VCAN: variants seen among roughly 807,000 people sequenced by gnomAD.
The protein encoded by VCAN is versican.
In VCAN, 44 loss-of-function variants were observed where a neutral mutation model predicts 245.5. The ratio of observed to expected loss-of-function variants is 0.18; its 90% CI spans 0.14 to 0.23. The LOEUF (loss-of-function observed/expected upper bound fraction) is 0.23. Among genes scored for constraint, VCAN ranks in the 10% least tolerant of loss-of-function variants. The probability of loss-of-function intolerance (pLI) is 1.00; values close to 1 mark genes in which losing one functional copy is unlikely to be tolerated. For synonymous variants in VCAN, 1,413 were observed against 1,437.0 expected (o/e 0.98, Z 0.38); for missense variants, 3,793 against 4,057.9 (o/e 0.93, Z 1.77).
intron 5 of VCAN, among the ~76,000 whole-genome samples, chr5:83,503,181 T>G (rs1745382018): frequency 6.6e-6 from 1 of 152,072 alleles, no homozygotes; most frequent in Non-Finnish European, 1.5e-5. Flanking sequence ...GCTTTGATCT[T>G]ATGTATATCC....
intron 7 of VCAN, chr5:83,535,544 T>C (rs1746671839): frequency 6.6e-6 from 1 of 152,150 alleles, no homozygotes; most frequent in Non-Finnish European, 1.5e-5. Context: ...ACTTCTATAT[T>C]TGTCTTGATT....
intron 7 of VCAN, among the ~76,000 whole-genome samples, chr5:83,526,028 C>T (rs991795313): frequency 3.3e-5 from 5 of 151,942 alleles, no homozygotes; most frequent in African/African-American, 1.2e-4. Flanking sequence ...CAATCTCTGC[C>T]TCCTGGGTTC....
In VCAN at chr5:83,531,071, A is replaced by C. The variant is rs1166316391; in HGVS notation, c.4004-5936A>C. Among the ~76,000 whole-genome samples, 5 of 152,256 alleles carry C rather than the reference A, an allele frequency of 3.3e-5. No individual in the cohort carries two copies. The South Asian group carries it at 8.3e-4, about 25-fold the overall frequency. ...ATAAATTCTGGTGGACCTTCTAAGT[A>C]ACTGCTAGAATGATTGGGTAATGTA... On this transcript the variant is annotated intron_variant, in intron 7 of 14. Coordinates refer to ENST00000265077, the MANE Select transcript of VCAN (RefSeq NM_004385.5).
chr5:83,567,556 T>C lies in VCAN; in HGVS notation c.9736-4860T>C, dbSNP rs1207557508. On this transcript the variant is annotated intron_variant, in intron 12 of 14. Transcript: ENST00000265077. ...ACCTCGTGATCCACCCGCCTCAGCC[T>C]CCCAAAGTGCTGGGATAACAGGCAT... Among the ~76,000 whole-genome samples the C allele has an allele frequency of 2.0e-5, 3 of 152,158 alleles. No individual in the cohort carries two copies. In the East Asian group the frequency reaches 5.8e-4, roughly 29 times the overall value.
At chr5:83,565,964 T>C (rs534845211) in intron 12 of VCAN, among the ~76,000 whole-genome samples, 2 of 151,542 alleles carry the variant, frequency 1.3e-5, no homozygotes, top group African/African-American at 4.8e-5. Flanking sequence ...AACTGCTTTT[T>C]TTTTTCTTTT....
intron 7 of VCAN, among the ~76,000 whole-genome samples, chr5:83,523,429 G>T (rs1746176774): frequency 6.7e-6 from 1 of 149,290 alleles, no homozygotes; most frequent in Non-Finnish European, 1.5e-5. Context: ...TTTTTAAGCA[G>T]GGTTCTCTCT....
chr5:83,552,675 T>C (rs988410251), intron 10 of VCAN, among the ~76,000 whole-genome samples: 1 of 152,184 alleles, frequency 6.6e-6, no homozygotes, highest in Non-Finnish European at 1.5e-5. Context: ...CATATGTATA[T>C]GACCTGGTGG....
chr5:83,551,064 C>T (rs1334231309), intron 10 of VCAN, among the ~76,000 whole-genome samples: 2 of 151,598 alleles, frequency 1.3e-5, no homozygotes, highest in Non-Finnish European at 2.9e-5. Flanking sequence ...AGAAACCCCG[C>T]CTCTATTTTT....
Position 83,538,296 on chromosome 5 carries a change from A to G in VCAN, c.5293A>G (p.Ser1765Gly). ...ELESPNVATSSDSGTRKSFMS... is the reference protein window; with the variant it reads ...ELESPNVATSGDSGTRKSFMS... ...AGAAAGTCCAAATGTAGCTACATCTAGTGATTCAGGTACCAGGAAAAGTTT... is the reference window on the plus strand; with the variant it reads ...AGAAAGTCCAAATGTAGCTACATCTGGTGATTCAGGTACCAGGAAAAGTTT... The change falls in exon 8 of 15, where the codon AGT (serine) becomes GGT (glycine). Residue 1765 changes from serine (S) to glycine (G), a missense_variant. Around this residue, in one of 5 missense-constraint regions of VCAN, gnomAD observed 3,182 missense variants for 3,250.3 expected, o/e 0.98. Transcript: ENST00000265077. 1 of 1,614,106 alleles carries G rather than the reference A, an allele frequency of 6.2e-7. No individual in the cohort carries two copies. Among genetic ancestry groups the G allele is most frequent in the Non-Finnish European group, 8.5e-7 (1 of 1,179,972 alleles).
chr5:83,538,203 A>G lies in VCAN; in HGVS notation c.5200A>G (p.Thr1734Ala), dbSNP rs1203720187. 1.2e-5 allele frequency: 20 copies of G among 1,613,742 alleles called. No individual in the cohort carries two copies. Among genetic ancestry groups the G allele is most frequent in the Admixed American group, 3.3e-5 (2 of 59,990 alleles). ...KRKEEEGTTG[T>A]ASTFEVYSST... ...GAAGGAGGAGGAGGGAACTACAGGTACGGCTTCTACATTTGAGGTATATTC... is the reference window on the plus strand; with the variant it reads ...GAAGGAGGAGGAGGGAACTACAGGTGCGGCTTCTACATTTGAGGTATATTC... Residue 1734 changes from threonine to alanine, a missense_variant, in exon 8 of 15, where the codon ACG (threonine) becomes GCG (alanine). Transcript: ENST00000265077.
Position 83,540,327 on chromosome 5 carries a change from T to A in VCAN, c.7324T>A (p.Phe2442Ile), listed in dbSNP as rs751380002. The A allele has an allele frequency of 6.2e-7, 1 of 1,614,098 alleles. No individual in the cohort carries two copies. The highest frequency in any genetic ancestry group is 8.5e-7 in the Non-Finnish European group (1 of 1,179,990). Reference protein sequence around the residue: ...GSGEVDIVDSFHTSATTQATR... With the variant: ...GSGEVDIVDSIHTSATTQATR... ...TGGAGAAGTGGATATTGTTGATTCA[T>A]TTCACACTTCTGCAACTACTCAGGC... Residue 2442 changes from phenylalanine to isoleucine, a missense_variant, in exon 8 of 15, where the codon TTT becomes ATT. By Grantham distance (21) the Phe-to-Ile change is conservative. Around this residue, in one of 5 missense-constraint regions of VCAN, gnomAD observed 3,182 missense variants for 3,250.3 expected, o/e 0.98. Transcript: ENST00000265077.
At chr5:83,526,803 G>C (rs937716950) in intron 7 of VCAN, among the ~76,000 whole-genome samples, 4 of 152,270 alleles carry the variant, frequency 2.6e-5, no homozygotes, top group Admixed American at 2.0e-4. Context: ...ATAATGGTAT[G>C]TCAGAGTCTC....
At chr5:83,563,312 C>T (rs928401534) in intron 12 of VCAN, among the ~76,000 whole-genome samples, 6 of 152,160 alleles carry the variant, frequency 3.9e-5, no homozygotes, top group African/African-American at 1.4e-4. Context: ...CTTTACCTTG[C>T]AGGGAAGTCA....
At position 83,545,408 on chromosome 5, in the gene VCAN, T is replaced by A. The variant is rs60367526; in HGVS notation, c.9266-129T>A. On this transcript the variant is annotated intron_variant, in intron 8 of 14. Coordinates refer to ENST00000265077, the MANE Select transcript of VCAN (RefSeq NM_004385.5). The stretch of plus-strand genomic sequence containing the variant: ...AGAGTAAAGTTAATGTTAATTTTTA[T>A]ATGTAGTAACTCTAAATTGCTATGG... 5,459 of 785,216 alleles carry A rather than the reference T, an allele frequency of 7.0e-3. 157 individuals carry two copies. The African/African-American group carries it at 0.075, about 11-fold the overall frequency. 48.6% of individuals were successfully genotyped at this position (785,216 alleles called of 1,614,324 possible).
At chr5:83,506,049 C>A (rs1453907553) in intron 5 of VCAN, among the ~76,000 whole-genome samples, 1 of 152,220 alleles carries the variant, frequency 6.6e-6, no homozygotes, top group Non-Finnish European at 1.5e-5. Context: ...GGGCCTGGCC[C>A]ATGAAACCAC....
chr5:83,559,104 T>C (rs1747771352), intron 12 of VCAN, among the ~76,000 whole-genome samples: 1 of 152,288 alleles, frequency 6.6e-6, no homozygotes, highest in South Asian at 2.1e-4. Context: ...CACTAATGAA[T>C]TGCTTTGCTT....
chr5:83,536,263 G>A (rs528048035), intron 7 of VCAN: 7 of 152,242 alleles, frequency 4.6e-5, no homozygotes, highest in African/African-American at 1.7e-4. Flanking sequence ...AGGTCTATAG[G>A]TGTGGAAGGC....
chr5:83,538,115 G>A lies in VCAN; in HGVS notation c.5112G>A (p.Lys1704=). 1.9e-6 allele frequency: 3 copies of A among 1,614,022 alleles called. No homozygotes were observed. The highest frequency in any genetic ancestry group is 1.1e-5 in the South Asian group (1 of 91,084). Residue 1704 remains lysine, a synonymous_variant, in exon 8 of 15, where the codon AAG becomes AAA. Coordinates refer to ENST00000265077, the MANE Select transcript of VCAN (RefSeq NM_004385.5). The part of the protein sequence containing the change: ...EQPSAKVVPT[K]FVSETDTSEW... ...CTTCTGCAAAAGTGGTGCCTACCAA[G>A]TTTGTAAGTGAAACAGACACTTCTG...
intron 12 of VCAN, among the ~76,000 whole-genome samples, chr5:83,556,215 A>C (rs73148650): frequency 6.6e-6 from 1 of 152,128 alleles, no homozygotes; most frequent in African/African-American, 2.4e-5. Flanking sequence ...CCTGTTTTAC[A>C]GGTAAAGAAA....
Sources: allele counts gnomAD v4.1 joint callset (sites outside exome capture counted in the v4.1 genomes callset), GRCh38; gene constraint gnomAD v4.1.1; regional missense constraint gnomAD v4.1.1; transcripts MANE v1.5; gene names NCBI Gene and HGNC (gene_info 2026-07-23, HGNC 2026-07-21).